GPR39: variants seen among roughly 807,000 people sequenced by gnomAD.
GPR39 encodes G protein-coupled receptor 39.
In GPR39, 23 loss-of-function variants were observed where a neutral mutation model predicts 18.4. That is an observed-to-expected ratio of 1.25 (90% CI 0.90 to 1.77). The LOEUF is 1.77. Among genes scored for constraint, GPR39 ranks in the 40% most tolerant of loss-of-function variants. The pLI, the probability that GPR39 is intolerant of heterozygous loss-of-function variation, is 0.00. For missense variants in GPR39, 647 were observed against 602.4 expected, an observed-to-expected ratio of 1.07 and a Z score of -0.78; for synonymous variants, 280 against 257.9, an observed-to-expected ratio of 1.09 and a Z score of -0.82.
intron 1 of GPR39, among the ~76,000 whole-genome samples, chr2:132,504,470 C>T (rs1679100309): frequency 6.6e-6 from 1 of 152,120 alleles, no homozygotes; most frequent in Non-Finnish European, 1.5e-5. Flanking sequence ...CGTTGGGGTG[C>T]TCAAAATCTC....
At chr2:132,537,292 A>C (rs1467659158) in intron 1 of GPR39, among the ~76,000 whole-genome samples, 5 of 152,076 alleles carry the variant, frequency 3.3e-5, no homozygotes, top group African/African-American at 1.2e-4. Flanking sequence ...GCATTTGCTT[A>C]TCTGGAAAGG....
chr2:132,630,970 T>C (rs1681640657), intron 1 of GPR39, among the ~76,000 whole-genome samples: 2 of 152,082 alleles, frequency 1.3e-5, no homozygotes, highest in Admixed American at 1.3e-4. Flanking sequence ...TGATGTTGAG[T>C]AAGTAGTTGG....
Position 132,646,445 on chromosome 2 carries a change from A to C in GPR39, c.*839A>C, listed in dbSNP as rs1390632831. Reference sequence around the variant, plus strand: ...GGATTGTCTCATTGATATTCAAGATAGATGGTGAAAGAGACAGGCACTATT... The same window carrying C: ...GGATTGTCTCATTGATATTCAAGATCGATGGTGAAAGAGACAGGCACTATT... On this transcript the variant is annotated 3_prime_UTR_variant, in exon 2 of 2. Coordinates refer to ENST00000329321, the MANE Select transcript of GPR39 (RefSeq NM_001508.3). 4.8e-6 allele frequency: 2 copies of C among 416,360 alleles called. No homozygotes were observed. Among genetic ancestry groups the C allele is most frequent in the East Asian group, 3.6e-5 (1 of 28,136 alleles). The allele number at this position is 416,360 out of a possible 1,614,324, so 25.8% of individuals were successfully genotyped here. A position where few individuals can be genotyped will look rare whatever the true frequency, so the allele number is the denominator to read the frequency against.
In GPR39 at chr2:132,491,688, G is replaced by A. The variant is rs968843796; in HGVS notation, c.856+73790G>A. On this transcript the variant is annotated intron_variant, in intron 1 of 1. Transcript: ENST00000329321. Reference sequence around the variant, plus strand: ...AGGGGTTAGGAATGGAGATTGGTTCGAAGTGTGTATTATAGTAATCCGGGT... The same window carrying A: ...AGGGGTTAGGAATGGAGATTGGTTCAAAGTGTGTATTATAGTAATCCGGGT... 3.9e-5 allele frequency among the ~76,000 whole-genome samples: 6 copies of A among 151,996 alleles called. No individual in the cohort carries two copies. The South Asian group carries it at 6.2e-4, about 16-fold the overall frequency.
chr2:132,569,326 C>T (rs74817182), intron 1 of GPR39, among the ~76,000 whole-genome samples: 4,068 of 152,182 alleles, frequency 0.027, 235 homozygotes, highest in African/African-American at 0.093. Flanking sequence ...GAGCCTGATT[C>T]ACCAAGTCAG....
intron 1 of GPR39, among the ~76,000 whole-genome samples, chr2:132,470,904 T>C (rs1361961681): frequency 2.0e-5 from 3 of 152,194 alleles, no homozygotes; most frequent in Non-Finnish European, 4.4e-5. Context: ...TGTGGATTCT[T>C]GGGCAATTTG....
At position 132,519,733 on chromosome 2, in the gene GPR39, A is replaced by C. The variant is rs550507170; in HGVS notation, c.856+101835A>C. ...GCAGCTACAAACTAGGCTTCTTGCCAGCACACAAGGCCCTCTGATGACACT... is the reference window on the plus strand; with the variant it reads ...GCAGCTACAAACTAGGCTTCTTGCCCGCACACAAGGCCCTCTGATGACACT... On this transcript the variant is annotated intron_variant, in intron 1 of 1. Transcript: ENST00000329321. Among the ~76,000 whole-genome samples, 53 of 152,334 alleles carry C rather than the reference A, an allele frequency of 3.5e-4. 3 individuals are homozygous for C. In the South Asian group the frequency reaches 0.011, roughly 30 times the overall value.
Position 132,554,741 on chromosome 2 carries a change from G to A in GPR39, c.857-90360G>A, listed in dbSNP as rs533642594. Among the ~76,000 whole-genome samples the A allele has an allele frequency of 2.0e-5, 3 of 152,148 alleles. No individual in the cohort carries two copies. In the South Asian group the frequency reaches 6.2e-4, roughly 32 times the overall value. On this transcript the variant is annotated intron_variant, in intron 1 of 1. Coordinates refer to ENST00000329321, the MANE Select transcript of GPR39 (RefSeq NM_001508.3). ...AGGGAAAACTTGACTTTGCAGCACGGCTCATTTCTCAAAGGATCTGCACAA... is the reference window on the plus strand; with the variant it reads ...AGGGAAAACTTGACTTTGCAGCACGACTCATTTCTCAAAGGATCTGCACAA...
intron 1 of GPR39, among the ~76,000 whole-genome samples, chr2:132,549,902 G>T (rs1231768706): frequency 6.6e-6 from 1 of 152,188 alleles, no homozygotes. Flanking sequence ...CAAGAGATCA[G>T]TGTGTCTTTT....
At chr2:132,458,301 A>G (rs1324262499) in intron 1 of GPR39, among the ~76,000 whole-genome samples, 4 of 151,896 alleles carry the variant, frequency 2.6e-5, no homozygotes, top group Non-Finnish European at 4.4e-5. Context: ...TGTTGCTTCA[A>G]TTTTGCCTTT....
chr2:132,639,438 G>A (rs1573712995), intron 1 of GPR39, among the ~76,000 whole-genome samples: 3 of 152,184 alleles, frequency 2.0e-5, no homozygotes, highest in South Asian at 4.2e-4. Flanking sequence ...CACCCTCAAG[G>A]CTTCAATGAT....
At chr2:132,523,893 G>A (rs1413979957) in intron 1 of GPR39, 1 of 152,700 alleles carries the variant, frequency 6.5e-6, no homozygotes, top group Non-Finnish European at 1.5e-5. Flanking sequence ...CAGAACCTGG[G>A]GGAAGAGTTT....
rs138058482 is a variant in GPR39, at chr2:132,479,490, C to T, written c.856+61592C>T. On this transcript the variant is annotated intron_variant, in intron 1 of 1. Coordinates refer to ENST00000329321, the MANE Select transcript of GPR39 (RefSeq NM_001508.3). ...GGAGGATTTGTGGAATGAGACAGTA[C>T]GAAATAAAATAGCTGGTGTGGTTAT... 2.3e-4 allele frequency among the ~76,000 whole-genome samples: 35 copies of T among 152,160 alleles called. No homozygotes were observed. The East Asian group carries it at 4.6e-3, about 20-fold the overall frequency.
chr2:132,492,284 C>CCATATATATACATACCATATATAT (rs1681485251), intron 1 of GPR39, among the ~76,000 whole-genome samples: 1 of 117,208 alleles, frequency 8.5e-6, no homozygotes, highest in African/African-American at 3.9e-5. Context: ...CATATATATA[C>CCATATATATACATACCATATATAT]ACCATATATA....
intron 1 of GPR39, among the ~76,000 whole-genome samples, chr2:132,547,983 C>T (rs553367636): frequency 6.6e-6 from 1 of 152,286 alleles, no homozygotes; most frequent in Admixed American, 6.5e-5. Flanking sequence ...TGCAGCCCAG[C>T]ACACTTCTCC....
At chr2:132,461,886 A>G (rs1004956623) in intron 1 of GPR39, among the ~76,000 whole-genome samples, 1 of 152,182 alleles carries the variant, frequency 6.6e-6, no homozygotes, top group African/African-American at 2.4e-5. Flanking sequence ...TCAGAGCCCC[A>G]CACACATTAG....
At chr2:132,428,102 G>A (rs1400461662) in intron 1 of GPR39, among the ~76,000 whole-genome samples, 1 of 151,610 alleles carries the variant, frequency 6.6e-6, no homozygotes, top group Non-Finnish European at 1.5e-5. Context: ...TAGAGAAGAT[G>A]AAAAAAACTT....
At chr2:132,482,514 C>T (rs72847399) in intron 1 of GPR39, among the ~76,000 whole-genome samples, 37,982 of 152,054 alleles carry the variant, frequency 0.25, 5,695 homozygotes, top group Middle Eastern at 0.38. Context: ...TCACTTCTAC[C>T]ACATTACGTG....
chr2:132,417,632 G>A lies in GPR39; in HGVS notation c.590G>A (p.Arg197His), dbSNP rs750566310. 1.9e-5 allele frequency: 30 copies of A among 1,613,960 alleles called. No individual in the cohort carries two copies. The highest frequency in any genetic ancestry group is 2.5e-5 in the Non-Finnish European group (29 of 1,179,990). Residue 197 changes from arginine (R) to histidine (H), a missense_variant, in exon 1 of 2, where the codon CGC (arginine) becomes CAC (histidine). This residue lies in a region of GPR39 where 581 missense variants were observed against 506.8 expected (regional missense o/e 1.15). Transcript: ENST00000329321. ...CTCACTTGCAACCGCTCCAGCACCC[G>A]CCACCACGAGCAGCCCGAGACCTCC... Reference protein sequence around the residue: ...RGLTCNRSSTRHHEQPETSNM... With the variant: ...RGLTCNRSSTHHHEQPETSNM...
Sources: allele counts gnomAD v4.1 joint callset (sites outside exome capture counted in the v4.1 genomes callset), GRCh38; gene constraint gnomAD v4.1.1; regional missense constraint gnomAD v4.1.1; transcripts MANE v1.5; gene names NCBI Gene and HGNC (gene_info 2026-07-23, HGNC 2026-07-21).